ETNPPL: variants seen among roughly 807,000 people sequenced by gnomAD.
ETNPPL encodes the protein ethanolamine-phosphate phospho-lyase.
Under a neutral mutation model 55.5 loss-of-function variants are expected in ETNPPL, and 30 were observed. That is an observed-to-expected ratio of 0.54 (90% CI 0.40 to 0.73). The LOEUF (loss-of-function observed/expected upper bound fraction) is 0.73, where lower values mean the gene tolerates loss of function less well. ETNPPL is among the 30% of genes least tolerant of loss of function. ETNPPL has a pLI of 0.00. For missense variants in ETNPPL, 528 were observed against 607.9 expected, an observed-to-expected ratio of 0.87 and a Z score of 1.38; for synonymous variants, 202 against 207.2, an observed-to-expected ratio of 0.98 and a Z score of 0.21.
At chr4:108,758,816 C>T (rs1470544783) in intron 3 of ETNPPL, among the ~76,000 whole-genome samples, 6 of 152,098 alleles carry the variant, frequency 3.9e-5, no homozygotes, top group South Asian at 2.1e-4. Context: ...ACTGGGAGGC[C>T]GAGGCGGGTG....
intron 4 of ETNPPL, among the ~76,000 whole-genome samples, chr4:108,755,690 G>A (rs542698322): frequency 1.3e-5 from 2 of 152,202 alleles, no homozygotes; most frequent in South Asian, 4.2e-4. Flanking sequence ...CATGGCAGCG[G>A]GCACCTATAA....
In ETNPPL at chr4:108,746,762, T is replaced by C; in HGVS notation, c.1172A>G (p.Lys391Arg). 2 of 1,613,446 alleles carry C rather than the reference T, an allele frequency of 1.2e-6. No homozygotes were observed. Among genetic ancestry groups the C allele is most frequent in the Middle Eastern group, 3.3e-4 (2 of 6,054 alleles). Residue 391 changes from lysine to arginine, a missense_variant and splice_region_variant, in exon 10 of 13, where the codon AAG (lysine) becomes AGG (arginine). Coordinates refer to ENST00000296486, the MANE Select transcript of ETNPPL (RefSeq NM_031279.4). ...ATAEAQHIIY[K>R]MKEKRVLLSA... Reference sequence around the variant, plus strand: ...ACAGGTGGGTGTGGGGGTGAATTACTTGTAGATGATGTGCTGAGCTTCAGC... The same window carrying C: ...ACAGGTGGGTGTGGGGGTGAATTACCTGTAGATGATGTGCTGAGCTTCAGC...
At chr4:108,743,737 C>T (rs1378202817) in intron 12 of ETNPPL, 52 bp downstream of exon 12, 2 of 1,297,202 alleles carry the variant, frequency 1.5e-6, no homozygotes, top group African/African-American at 1.5e-5. Flanking sequence ...CTTTTTTAAA[C>T]ATTCCCCAAA....
Position 108,749,449 on chromosome 4 carries a change from G to A in ETNPPL, c.716C>T (p.Ala239Val). 1 of 1,613,552 alleles carries A rather than the reference G, an allele frequency of 6.2e-7. No individual in the cohort carries two copies. Residue 239 changes from alanine (A) to valine (V), a missense_variant, in exon 8 of 13, where the codon GCA (alanine) becomes GTA (valine). Coordinates refer to ENST00000296486, the MANE Select transcript of ETNPPL (RefSeq NM_031279.4). The part of the protein sequence containing the change: ...FQKVAEYVHG[A>V]GGVFIADEVQ... Reference sequence around the variant, plus strand: ...TTCATCAGCTATAAACACACCCCCTGCACCGTGTACATATCTGAAAAGCAA... The same window carrying A: ...TTCATCAGCTATAAACACACCCCCTACACCGTGTACATATCTGAAAAGCAA...
intron 1 of ETNPPL, among the ~76,000 whole-genome samples, chr4:108,761,770 C>T (rs944664416): frequency 2.6e-5 from 4 of 152,200 alleles, no homozygotes; most frequent in African/African-American, 9.7e-5. Context: ...TTTGATCCCA[C>T]TTAGCGGCTG....
intron 3 of ETNPPL, among the ~76,000 whole-genome samples, chr4:108,757,384 A>G (rs2125680694): frequency 6.6e-6 from 1 of 152,388 alleles, no homozygotes; most frequent in South Asian, 2.1e-4. Flanking sequence ...TGGATAAAAC[A>G]GCCTCAGAGA....
At chr4:108,753,749 T>TAAGAAAGAAAGAAAGAA (rs1729028108) in intron 5 of ETNPPL, among the ~76,000 whole-genome samples, 1 of 76,712 alleles carries the variant, frequency 1.3e-5, no homozygotes, top group Non-Finnish European at 2.4e-5. Flanking sequence ...CTCAAATAAA[T>TAAGAAAGAAAGAAAGAA]AAGAAAGAAA....
Position 108,759,762 on chromosome 4 carries a change from A to G in ETNPPL, c.322T>C (p.Phe108Leu), listed in dbSNP as rs895022354. Residue 108 changes from phenylalanine to leucine, a missense_variant, in exon 3 of 13, where the codon TTT becomes CTT. Transcript: ENST00000296486. The stretch of plus-strand genomic sequence containing the variant: ...CATGAAGCATACCCTGAATTTGTAA[A>G]ATAACAAACAGAGAGTTTCTCCGGC... ...TLPEKLSVCY[F>L]TNSGSEANDL... 3.7e-6 allele frequency: 6 copies of G among 1,614,036 alleles called. No individual in the cohort carries two copies. The highest frequency in any genetic ancestry group is 5.1e-6 in the Non-Finnish European group (6 of 1,180,030).
At chr4:108,754,871 C>A in intron 4 of ETNPPL, 161 bp from the exon 5 acceptor site, 1 of 589,324 alleles carries the variant, frequency 1.7e-6, no homozygotes. Context: ...TTTTTCATGG[C>A]AAGACTGGCC....
At chr4:108,754,444 A>T (rs1182254177) in intron 5 of ETNPPL, among the ~76,000 whole-genome samples, 176 bp downstream of exon 5, 1 of 152,232 alleles carries the variant, frequency 6.6e-6, no homozygotes, top group Non-Finnish European at 1.5e-5. Context: ...TTAAATAGAT[A>T]AATAAATTTT....
At chr4:108,753,800 G>GA (rs1553934252) in intron 5 of ETNPPL, among the ~76,000 whole-genome samples, 5,923 of 109,052 alleles carry the variant, frequency 0.054, 215 homozygotes, top group East Asian at 0.23. Context: ...AAGAAAGAAA[G>GA]AAAGAAAAGA....
chr4:108,759,683 G>T, intron 3 of ETNPPL, 66 bp downstream of exon 3: 2 of 1,518,402 alleles, frequency 1.3e-6, no homozygotes, highest in South Asian at 2.3e-5. Flanking sequence ...CAAAAGGAAA[G>T]ATTTGTGTGC....
intron 1 of ETNPPL, among the ~76,000 whole-genome samples, chr4:108,760,559 C>T (rs1729466975): frequency 6.6e-6 from 1 of 152,102 alleles, no homozygotes; most frequent in African/African-American, 2.4e-5. Flanking sequence ...TTATTAGAGG[C>T]ACAGGAATCC....
Position 108,748,163 on chromosome 4 carries a change from T to TA in ETNPPL, c.928-5dup, listed in dbSNP as rs33958723. 22,586 of 1,281,632 alleles carry TA rather than the reference T, an allele frequency of 0.018. No homozygotes were observed. Among genetic ancestry groups the TA allele is most frequent in the Non-Finnish European group, 0.02 (18,637 of 944,376 alleles). The allele number at this position is 1,281,632 out of a possible 1,614,324, so 79.4% of individuals were successfully genotyped here. On this transcript the variant is annotated splice_region_variant and splice_polypyrimidine_tract_variant and intron_variant, in intron 8 of 12. Coordinates refer to ENST00000296486, the MANE Select transcript of ETNPPL (RefSeq NM_031279.4). ...AAGATACTGGATTTCCTCCATACTG[T>TA]AAAAAAAAAAAAGACAAATGAGAAA...
At chr4:108,760,615 T>G (rs1729471350) in intron 1 of ETNPPL, among the ~76,000 whole-genome samples, 1 of 152,214 alleles carries the variant, frequency 6.6e-6, no homozygotes, top group African/African-American at 2.4e-5. Context: ...TAATTTTCCT[T>G]TGAGAAATTT....
rs1463860524 is a variant in ETNPPL at position 108,762,579 on chromosome 4, G to T, written c.56+264C>A. ...CATCCACCAACCCCTCTAGCCGGCC[G>T]GCAGCCCCCGCTAGTCCGCCGGCTG... On this transcript the variant is annotated intron_variant, in intron 1 of 12. Coordinates refer to ENST00000296486, the MANE Select transcript of ETNPPL (RefSeq NM_031279.4). 3.3e-5 allele frequency: 21 copies of T among 627,572 alleles called. 1 individual carries two copies. Among genetic ancestry groups the T allele is most frequent in the South Asian group, 2.8e-4 (15 of 53,812 alleles). The allele number at this position is 627,572 out of a possible 1,614,324, so 38.9% of individuals were successfully genotyped here.
chr4:108,751,969 A>G (rs565575987), intron 6 of ETNPPL, among the ~76,000 whole-genome samples: 79 of 152,336 alleles, frequency 5.2e-4, no homozygotes, highest in Middle Eastern at 6.8e-3. Context: ...ATTTTTTCCT[A>G]AAAGTGTTGT....
chr4:108,748,290 T>C, intron 8 of ETNPPL, 131 bp from the exon 9 acceptor site: 1 of 595,452 alleles, frequency 1.7e-6, no homozygotes, highest in South Asian at 2.6e-5. Flanking sequence ...CTTATAATAT[T>C]AGTTTCTCAT....
intron 7 of ETNPPL, among the ~76,000 whole-genome samples, chr4:108,750,562 G>GAT: frequency 7.0e-6 from 1 of 142,806 alleles, no homozygotes; most frequent in South Asian, 2.3e-4. Context: ...TATGATATGT[G>GAT]ATATATATAC....
Sources: gnomAD v4.1 joint callset for allele counts (sites outside exome capture counted in the v4.1 genomes callset) on GRCh38, gnomAD v4.1.1 for gene constraint, MANE v1.5 for transcripts, NCBI Gene and HGNC (gene_info 2026-07-23, HGNC 2026-07-21) for gene names.